The following DOCK1 variants were observed in gnomAD, a reference collection of about 807,000 sequenced individuals.
DOCK1 encodes dedicator of cytokinesis protein 1.
DOCK1 carries 138 observed loss-of-function variants against 262.7 expected under a neutral mutation model. That is an observed-to-expected ratio of 0.53 (90% CI 0.46 to 0.61). DOCK1 has a LOEUF of 0.61. DOCK1 is among the 20% of genes least tolerant of loss of function. The pLI is 0.00. For synonymous variants in DOCK1, 866 were observed against 867.4 expected, an observed-to-expected ratio of 1.00 and a Z score of 0.03; for missense variants, 1,908 against 2,370.7, an observed-to-expected ratio of 0.80 and a Z score of 4.05.
At position 126,933,590 on chromosome 10, in the gene DOCK1, G is replaced by A. The variant is rs930343301; in HGVS notation, c.46+28027G>A. Among the ~76,000 whole-genome samples, 38 of 152,262 alleles carry A rather than the reference G, an allele frequency of 2.5e-4. 1 individual carries two copies. The highest frequency in any genetic ancestry group is 3.4e-3 in the Middle Eastern group (1 of 294). ...GGGGGTAAAAAGATGGAGGAAGCAG[G>A]ACATTGATTTTGGAGTGCCCTGAGT... On this transcript the variant is annotated intron_variant, in intron 1 of 51. Coordinates refer to ENST00000623213, the MANE Select transcript of DOCK1 (RefSeq NM_001290223.2).
At chr10:127,082,758 TG>T (rs1030973275) in intron 23 of DOCK1, among the ~76,000 whole-genome samples, 10 of 152,258 alleles carry the variant, frequency 6.6e-5, no homozygotes, top group Middle Eastern at 3.4e-3. Flanking sequence ...AACCTGTCCC[TG>T]GGCCTTCGTC....
intron 33 of DOCK1, among the ~76,000 whole-genome samples, chr10:127,371,973 CT>C (rs1477676003): frequency 6.6e-6 from 1 of 152,196 alleles, no homozygotes; most frequent in Admixed American, 6.5e-5. Context: ...TTCATTCCTC[CT>C]TCTTCAATAG....
chr10:127,305,977 G>T (rs562029139), intron 29 of DOCK1, among the ~76,000 whole-genome samples: 1 of 151,098 alleles, frequency 6.6e-6, no homozygotes, highest in African/African-American at 2.4e-5. Context: ...GGTTTTATAT[G>T]GTTAGCTCAA....
At chr10:127,118,862 C>T (rs1358718374) in intron 25 of DOCK1, among the ~76,000 whole-genome samples, 2 of 152,196 alleles carry the variant, frequency 1.3e-5, no homozygotes, top group African/African-American at 4.8e-5. Flanking sequence ...GAAAAGTGAC[C>T]TACCAAGGGT....
chr10:127,101,813 T>A (rs1166290218), intron 23 of DOCK1, among the ~76,000 whole-genome samples: 1 of 152,170 alleles, frequency 6.6e-6, no homozygotes, highest in African/African-American at 2.4e-5. Flanking sequence ...GGGCACAGTA[T>A]AAAATGCATG....
Position 127,358,306 on chromosome 10 carries a change from C to T in DOCK1, c.3283+3579C>T, listed in dbSNP as rs79391109. On this transcript the variant is annotated intron_variant, in intron 32 of 51. Transcript: ENST00000623213. ...CAATTTAATGCAAGGGCAAACATGG[C>T]ACTGCCCCATGGGACAGAGTGATGT... Among the ~76,000 whole-genome samples the T allele has an allele frequency of 6.9e-3, 1,044 of 152,252 alleles. 11 individuals carry two copies. Among genetic ancestry groups the T allele is most frequent in the African/African-American group, 0.024 (994 of 41,544 alleles).
intron 27 of DOCK1, among the ~76,000 whole-genome samples, chr10:127,181,176 A>G (rs920414995): frequency 2.0e-5 from 3 of 152,240 alleles, no homozygotes; most frequent in Non-Finnish European, 4.4e-5. Context: ...ATATGTATGT[A>G]TATATGCATA....
chr10:127,357,872 G>A (rs1019778427), intron 32 of DOCK1, among the ~76,000 whole-genome samples: 18 of 152,140 alleles, frequency 1.2e-4, no homozygotes, highest in African/African-American at 2.2e-4. Flanking sequence ...ATAGCACCAC[G>A]GGGTGGCCTC....
intron 4 of DOCK1, among the ~76,000 whole-genome samples, chr10:126,985,004 G>A (rs754214947): frequency 2.7e-4 from 30 of 112,042 alleles, no homozygotes; most frequent in Non-Finnish European, 4.2e-4. Context: ...TTTTTGAGAC[G>A]AAGTCTTGCT....
chr10:126,917,187 G>A (rs188579978), intron 1 of DOCK1, among the ~76,000 whole-genome samples: 3 of 152,340 alleles, frequency 2.0e-5, no homozygotes, highest in East Asian at 1.9e-4. Flanking sequence ...TGCCATGAGC[G>A]TGTGAACATT....
chr10:127,170,878 G>T (rs1248418911), intron 27 of DOCK1, among the ~76,000 whole-genome samples: 1 of 152,220 alleles, frequency 6.6e-6, no homozygotes, highest in East Asian at 1.9e-4. Flanking sequence ...TGGCATTCAT[G>T]CAAGCCCGCA....
intron 2 of DOCK1, among the ~76,000 whole-genome samples, chr10:126,977,308 TCTCA>T (rs937193561): frequency 1.2e-4 from 18 of 152,142 alleles, no homozygotes; most frequent in African/African-American, 4.3e-4. Flanking sequence ...TTCTTTCTGC[TCTCA>T]CTATTTTCTT....
intron 40 of DOCK1, among the ~76,000 whole-genome samples, chr10:127,406,846 A>AT (rs918329012): frequency 2.0e-5 from 3 of 152,070 alleles, no homozygotes; most frequent in African/African-American, 7.2e-5. Flanking sequence ...CTTTATATAC[A>AT]TTTTTATTAT....
intron 29 of DOCK1, among the ~76,000 whole-genome samples, chr10:127,269,057 G>T (rs1448706503): frequency 6.6e-6 from 1 of 152,156 alleles, no homozygotes; most frequent in African/African-American, 2.4e-5. Context: ...CAGTTTGTCA[G>T]GTCAAATCCG....
intron 44 of DOCK1, 112 bp from the exon 45 acceptor site, chr10:127,418,253 A>C: frequency 1.6e-6 from 2 of 1,229,518 alleles, no homozygotes; most frequent in Non-Finnish European, 2.2e-6. Context: ...GTTTGGAAGA[A>C]AGGTTCACGG....
chr10:127,186,961 T>C (rs1307045049), intron 27 of DOCK1, among the ~76,000 whole-genome samples: 1 of 152,138 alleles, frequency 6.6e-6, no homozygotes, highest in Non-Finnish European at 1.5e-5. Flanking sequence ...ATCAGGCACA[T>C]AGAGTTTTGA....
At position 127,039,368 on chromosome 10, in the gene DOCK1, A is replaced by G. The variant is rs997645408; in HGVS notation, c.2010+1552A>G. 2.6e-5 allele frequency among the ~76,000 whole-genome samples: 4 copies of G among 152,364 alleles called. No homozygotes were observed. In the South Asian group the frequency reaches 6.2e-4, roughly 24 times the overall value. Reference sequence around the variant, plus strand: ...CATTTTGAAGTCCCTGTATCATATTAGGAATGAGTTGTATTTCTGGCGACC... The same window carrying G: ...CATTTTGAAGTCCCTGTATCATATTGGGAATGAGTTGTATTTCTGGCGACC... On this transcript the variant is annotated intron_variant, in intron 19 of 51. Coordinates refer to ENST00000623213, the MANE Select transcript of DOCK1 (RefSeq NM_001290223.2).
chr10:127,361,894 A>G (rs2064475180), intron 32 of DOCK1, among the ~76,000 whole-genome samples, 170 bp from the exon 33 acceptor site: 2 of 152,310 alleles, frequency 1.3e-5, no homozygotes, highest in African/African-American at 2.4e-5. Flanking sequence ...TCTTATACTA[A>G]TGGCTGGGAA....
chr10:127,037,981 C>A (rs2043762458), intron 19 of DOCK1, among the ~76,000 whole-genome samples, 165 bp downstream of exon 19: 1 of 151,448 alleles, frequency 6.6e-6, no homozygotes, highest in African/African-American at 2.4e-5. Context: ...CGCCTGTAAT[C>A]TCAGCACTTT....
Sources: gnomAD v4.1 joint callset for allele counts (sites outside exome capture counted in the v4.1 genomes callset) on GRCh38, gnomAD v4.1.1 for gene constraint, MANE v1.5 for transcripts, NCBI Gene and HGNC (gene_info 2026-07-23, HGNC 2026-07-21) for gene names.